Variants in ADGRL2 observed in about 807,000 individuals in gnomAD.
ADGRL2 encodes the protein calcium-independent alpha-latrotoxin receptor 2.
In ADGRL2, 44 loss-of-function variants were observed where a neutral mutation model predicts 157.4. The ratio of observed to expected loss-of-function variants is 0.28; its 90% CI spans 0.22 to 0.36. The LOEUF is 0.36. ADGRL2 is among the 10% of genes least tolerant of loss of function. The pLI is 1.00. For synonymous variants in ADGRL2, 585 were observed against 624.7 expected, an observed-to-expected ratio of 0.94 and a Z score of 0.95; for missense variants, 1,510 against 1,768.9, an observed-to-expected ratio of 0.85 and a Z score of 2.63.
At chr1:81,596,350 G>A (rs2081233116) in intron 3 of ADGRL2, 4 of 527,582 alleles carry the variant, frequency 7.6e-6, no homozygotes, top group Middle Eastern at 1.3e-3. Context: ...ATTCGAACTT[G>A]TCCTTTCACT....
At chr1:81,783,037 TG>T (rs1193268360) in intron 2 of ADGRL2, among the ~76,000 whole-genome samples, 8 of 152,212 alleles carry the variant, frequency 5.3e-5, no homozygotes, top group Non-Finnish European at 7.3e-5. Context: ...CTTCTCTTTG[TG>T]TGGCTCTTAG....
At chr1:81,341,117 G>A (rs571991410) in intron 1 of ADGRL2, among the ~76,000 whole-genome samples, 8 of 152,236 alleles carry the variant, frequency 5.3e-5, no homozygotes, top group African/African-American at 1.9e-4. Flanking sequence ...ATAACATGGA[G>A]TTGAGGTCAA....
intron 3 of ADGRL2, among the ~76,000 whole-genome samples, chr1:81,924,087 G>A (rs1175153077): frequency 6.6e-6 from 1 of 152,162 alleles, no homozygotes; most frequent in Non-Finnish European, 1.5e-5. Context: ...AATCCTGTTT[G>A]GCCAGCATCA....
intron 2 of ADGRL2, among the ~76,000 whole-genome samples, chr1:81,488,341 C>G (rs887344095): frequency 6.6e-6 from 1 of 151,938 alleles, no homozygotes; most frequent in Non-Finnish European, 1.5e-5. Context: ...AAAACGTTAA[C>G]AAAAAACAGC....
intron 2 of ADGRL2, among the ~76,000 whole-genome samples, chr1:81,487,100 A>AG (rs2078521360): frequency 7.3e-6 from 1 of 137,306 alleles, no homozygotes; most frequent in African/African-American, 2.9e-5. Context: ...ACAAAAAAAA[A>AG]AAAAAAAAAG....
At chr1:81,910,244 C>CAACAATAAT (rs1553187026) in intron 3 of ADGRL2, among the ~76,000 whole-genome samples, 2 of 143,056 alleles carry the variant, frequency 1.4e-5, no homozygotes, top group Non-Finnish European at 3.0e-5. Context: ...GCCTAAAAAA[C>CAACAATAAT]AATAATAATA....
chr1:81,697,400 G>A (rs560863584), upstream of ADGRL2, among the ~76,000 whole-genome samples: 37 of 152,248 alleles, frequency 2.4e-4, no homozygotes, highest in Non-Finnish European at 4.3e-4. Context: ...AGGGTTGATT[G>A]ATTGTTGCCA....
At chr1:81,783,620 C>G (rs1333329566) in intron 2 of ADGRL2, among the ~76,000 whole-genome samples, 1 of 152,066 alleles carries the variant, frequency 6.6e-6, no homozygotes, top group Non-Finnish European at 1.5e-5. Flanking sequence ...TCATTTAAAA[C>G]ATTAGAAATA....
chr1:81,520,019 C>T (rs995134737), intron 2 of ADGRL2, among the ~76,000 whole-genome samples: 8 of 151,996 alleles, frequency 5.3e-5, no homozygotes, highest in Non-Finnish European at 1.0e-4. Context: ...TTTCTTTTTT[C>T]CTGCTCCCTT....
At chr1:81,374,578 G>GAAAAAAAAAACAAAA (rs1553158619) in intron 1 of ADGRL2, among the ~76,000 whole-genome samples, 1 of 130,256 alleles carries the variant, frequency 7.7e-6, no homozygotes, top group Non-Finnish European at 1.6e-5. Context: ...TCTCAAAAAA[G>GAAAAAAAAAACAAAA]AAAAAAAAAA....
At chr1:81,516,877 G>C (rs552333621) in intron 2 of ADGRL2, among the ~76,000 whole-genome samples, 32 of 151,890 alleles carry the variant, frequency 2.1e-4, no homozygotes, top group Non-Finnish European at 4.6e-4. Context: ...GTCCCCCTCT[G>C]TTGGGTGCTT....
chr1:81,403,011 A>G (rs781743435), intron 1 of ADGRL2, among the ~76,000 whole-genome samples: 5 of 152,224 alleles, frequency 3.3e-5, no homozygotes, highest in Non-Finnish European at 7.3e-5. Context: ...CACTTTGCAA[A>G]CAACCTTTTA....
chr1:81,444,579 A>C (rs1172949801), intron 1 of ADGRL2, among the ~76,000 whole-genome samples: 2 of 152,180 alleles, frequency 1.3e-5, no homozygotes, highest in South Asian at 4.1e-4. Context: ...CCTATCACTA[A>C]ACCAGAAAGA....
chr1:81,306,540 G>A (rs530561801), intron 1 of ADGRL2: 2 of 152,112 alleles, frequency 1.3e-5, no homozygotes, highest in East Asian at 3.9e-4. Flanking sequence ...AAAGACGTGT[G>A]TAATGCCTCC....
chr1:81,639,328 C>T (rs2082172644), intron 3 of ADGRL2, among the ~76,000 whole-genome samples: 1 of 152,122 alleles, frequency 6.6e-6, no homozygotes, highest in African/African-American at 2.4e-5. Flanking sequence ...ACTTCAGCCT[C>T]CCAAAGTGCT....
chr1:81,340,435 A>AT (rs1023005418), intron 1 of ADGRL2, among the ~76,000 whole-genome samples: 1 of 151,896 alleles, frequency 6.6e-6, no homozygotes. Flanking sequence ...TACAGAAGCA[A>AT]TTTTTTCTCT....
intron 1 of ADGRL2, among the ~76,000 whole-genome samples, chr1:81,434,288 G>A (rs929259839): frequency 1.6e-4 from 25 of 152,164 alleles, no homozygotes; most frequent in African/African-American, 5.8e-4. Flanking sequence ...AGACCAATGT[G>A]TCACACATGT....
At chr1:81,367,505 A>G (rs1043793110) in intron 1 of ADGRL2, among the ~76,000 whole-genome samples, 8 of 152,186 alleles carry the variant, frequency 5.3e-5, no homozygotes, top group African/African-American at 1.9e-4. Flanking sequence ...TTTGCCAAGG[A>G]TAACCATTCC....
At chr1:81,635,423 A>T (rs2082096883) in intron 3 of ADGRL2, among the ~76,000 whole-genome samples, 1 of 152,218 alleles carries the variant, frequency 6.6e-6, no homozygotes, top group Non-Finnish European at 1.5e-5. Context: ...ATGTCATCTT[A>T]TCAGTGGATG....
Sources: allele counts gnomAD v4.1 joint callset (sites outside exome capture counted in the v4.1 genomes callset), GRCh38; gene constraint gnomAD v4.1.1; transcripts MANE v1.5; gene names NCBI Gene and HGNC (gene_info 2026-07-23, HGNC 2026-07-21).